Variants in ADAMTS3 observed in about 807,000 individuals in gnomAD.
ADAMTS3 encodes A disintegrin and metalloproteinase with thrombospondin motifs 3.
A neutral mutation model predicts 129.0 loss-of-function variants in ADAMTS3; 73 were observed. That is an observed-to-expected ratio of 0.57 (90% CI 0.47 to 0.69). The LOEUF is 0.69. Ranked by LOEUF, ADAMTS3 falls within the 30% of genes least tolerant of loss-of-function variation. ADAMTS3 has a pLI of 0.00. For missense variants in ADAMTS3, 1,457 were observed against 1,514.5 expected (o/e 0.96, Z 0.63); for synonymous variants, 477 against 510.8 (o/e 0.93, Z 0.89).
intron 3 of ADAMTS3, among the ~76,000 whole-genome samples, chr4:72,546,661 T>A (rs970753711): frequency 2.6e-5 from 4 of 152,262 alleles, no homozygotes; most frequent in Non-Finnish European, 5.9e-5. Flanking sequence ...CTTTAGATTA[T>A]GAAACACATC....
At chr4:72,375,056 C>T (rs1474495804) in intron 4 of ADAMTS3, among the ~76,000 whole-genome samples, 1 of 152,086 alleles carries the variant, frequency 6.6e-6, no homozygotes, top group Non-Finnish European at 1.5e-5. Context: ...TATTTCCTCT[C>T]TATATATTTC....
intron 4 of ADAMTS3, among the ~76,000 whole-genome samples, chr4:72,409,762 A>T (rs1263587342): frequency 6.6e-6 from 1 of 152,314 alleles, no homozygotes; most frequent in East Asian, 1.9e-4. Flanking sequence ...ATTTTATGTA[A>T]TAAGTCAATC....
intron 3 of ADAMTS3, among the ~76,000 whole-genome samples, chr4:72,518,992 T>C (rs1270129766): frequency 6.6e-6 from 1 of 151,904 alleles, no homozygotes; most frequent in African/African-American, 2.4e-5. Context: ...TTCCTTTCCA[T>C]GTTTAGTGCT....
rs370665830 is a variant in ADAMTS3, at chr4:72,312,448, C to G, written c.1764G>C (p.Gln588His). 6.2e-6 allele frequency: 10 copies of G among 1,613,340 alleles called. No homozygotes were observed. Among genetic ancestry groups the G allele is most frequent in the Non-Finnish European group, 7.6e-6 (9 of 1,179,624 alleles). Residue 588 changes from glutamine to histidine, a missense_variant, in exon 13 of 22, where the codon CAG becomes CAC. Gln to His is a conservative substitution (Grantham distance 24). Transcript: ENST00000286657. ...CNNPMPINGG[Q>H]DCPGVNFEYQ... Reference sequence around the variant, plus strand: ...ACTCAAAATTAACACCAGGACAATCCTGACCACCATTGATGGGCCTAAAGA... The same window carrying G: ...ACTCAAAATTAACACCAGGACAATCGTGACCACCATTGATGGGCCTAAAGA...
chr4:72,457,704 A>G (rs1317291336), intron 3 of ADAMTS3, among the ~76,000 whole-genome samples: 1 of 151,680 alleles, frequency 6.6e-6, no homozygotes, highest in Admixed American at 6.6e-5. Context: ...TGGCAGGTCT[A>G]AGGTAGAAAG....
At chr4:72,351,665 T>G (rs1325097793) in intron 4 of ADAMTS3, among the ~76,000 whole-genome samples, 1 of 151,650 alleles carries the variant, frequency 6.6e-6, no homozygotes, top group Non-Finnish European at 1.5e-5. Context: ...AGAAACTGTC[T>G]TCCAAGAGTA....
chr4:72,448,606 T>C (rs1360823810), intron 3 of ADAMTS3, among the ~76,000 whole-genome samples: 1 of 151,698 alleles, frequency 6.6e-6, no homozygotes, highest in African/African-American at 2.4e-5. Flanking sequence ...GCATTATCAA[T>C]AATAGGCTGT....
At chr4:72,362,371 A>G (rs1720750753) in intron 4 of ADAMTS3, among the ~76,000 whole-genome samples, 1 of 152,176 alleles carries the variant, frequency 6.6e-6, no homozygotes, top group Non-Finnish European at 1.5e-5. Context: ...TAAGGACTCT[A>G]CCAGGTGACT....
intron 2 of ADAMTS3, among the ~76,000 whole-genome samples, chr4:72,566,887 T>C (rs1458801367): frequency 6.6e-6 from 1 of 152,208 alleles, no homozygotes. Flanking sequence ...GATAATTATT[T>C]TAAAGCAGAT....
chr4:72,320,517 C>T (rs983513346), intron 7 of ADAMTS3, among the ~76,000 whole-genome samples, 197 bp downstream of exon 7: 2 of 152,082 alleles, frequency 1.3e-5, no homozygotes, highest in Non-Finnish European at 2.9e-5. Context: ...GTATAATTTA[C>T]GATGGTATTT....
chr4:72,475,938 A>G (rs1719218422), intron 3 of ADAMTS3, among the ~76,000 whole-genome samples: 1 of 152,130 alleles, frequency 6.6e-6, no homozygotes, highest in Non-Finnish European at 1.5e-5. Flanking sequence ...GAATAAAAAT[A>G]CAACATATCA....
chr4:72,315,851 T>A lies in ADAMTS3; in HGVS notation c.1599+7A>T. 6.5e-7 allele frequency: 1 copy of A among 1,530,002 alleles called. No homozygotes were observed. Among genetic ancestry groups the A allele is most frequent in the Non-Finnish European group, 9.0e-7 (1 of 1,107,658 alleles). 94.8% of individuals were successfully genotyped at this position (1,530,002 alleles called of 1,614,324 possible). ...TACATATTTATTGTGTAAATAGATA[T>A]ACTCACTTTTCCAGCAGCACATTCA... On this transcript the variant is annotated splice_region_variant and intron_variant, in intron 11 of 21. Transcript: ENST00000286657.
chr4:72,545,106 C>G (rs1326920446), intron 3 of ADAMTS3, among the ~76,000 whole-genome samples: 1 of 151,548 alleles, frequency 6.6e-6, no homozygotes, highest in Non-Finnish European at 1.5e-5. Flanking sequence ...TGTTTGTTTT[C>G]TACTTTATTC....
At chr4:72,510,819 CAAAAAAAAAAAAAA>C (rs869030257) in intron 3 of ADAMTS3, among the ~76,000 whole-genome samples, 45 of 63,676 alleles carry the variant, frequency 7.1e-4, no homozygotes, top group African/African-American at 2.2e-3. Flanking sequence ...ATCCTTAAGC[CAAAAAAAAAAAAAA>C]AAAAAAAAAA....
intron 4 of ADAMTS3, among the ~76,000 whole-genome samples, chr4:72,408,871 A>G (rs1236065870): frequency 6.6e-6 from 1 of 151,704 alleles, no homozygotes; most frequent in Non-Finnish European, 1.5e-5. Flanking sequence ...AACAATAACA[A>G]CACATGGACA....
chr4:72,398,173 T>C (rs1443085554), intron 4 of ADAMTS3, among the ~76,000 whole-genome samples: 1 of 152,142 alleles, frequency 6.6e-6, no homozygotes, highest in Non-Finnish European at 1.5e-5. Context: ...TTGCTGAGGA[T>C]GAGAGCCATG....
At chr4:72,449,103 C>G (rs1400648849) in intron 3 of ADAMTS3, among the ~76,000 whole-genome samples, 4 of 151,706 alleles carry the variant, frequency 2.6e-5, no homozygotes, top group African/African-American at 9.7e-5. Context: ...TTTCTCTGCA[C>G]TTGTCATAAA....
chr4:72,467,131 C>A (rs1190990652), intron 3 of ADAMTS3, among the ~76,000 whole-genome samples: 1 of 152,056 alleles, frequency 6.6e-6, no homozygotes, highest in Non-Finnish European at 1.5e-5. Flanking sequence ...CCATAGTCAG[C>A]CAAACCTGAA....
chr4:72,412,828 T>C (rs546800575), intron 4 of ADAMTS3, among the ~76,000 whole-genome samples: 2 of 152,146 alleles, frequency 1.3e-5, no homozygotes, highest in Middle Eastern at 3.4e-3. Context: ...ACTTCAACTA[T>C]AATTGCAATC....
Sources: gnomAD v4.1 joint callset for allele counts (sites outside exome capture counted in the v4.1 genomes callset) on GRCh38, gnomAD v4.1.1 for gene constraint, MANE v1.5 for transcripts, NCBI Gene and HGNC (gene_info 2026-07-23, HGNC 2026-07-21) for gene names.